The following BTBD9 variants were observed in gnomAD, a reference collection of about 807,000 sequenced individuals.
BTBD9 encodes BTB domain containing 9.
In BTBD9, 49 loss-of-function variants were observed where a neutral mutation model predicts 64.3. That is an observed-to-expected ratio of 0.76 (90% confidence interval 0.61 to 0.97). The LOEUF (loss-of-function observed/expected upper bound fraction) is 0.97. Ranked by LOEUF, BTBD9 falls within the 50% of genes least tolerant of loss-of-function variation. BTBD9 has a pLI of 0.00. For synonymous variants in BTBD9, 260 were observed against 274.7 expected (o/e 0.95, Z 0.53); for missense variants, 598 against 762.1 (o/e 0.78, Z 2.53).
intron 9 of BTBD9, among the ~76,000 whole-genome samples, chr6:38,244,649 TG>T (rs1764120400): frequency 6.6e-6 from 1 of 151,548 alleles, no homozygotes; most frequent in Non-Finnish European, 1.5e-5. Context: ...TCTCTAAGAG[TG>T]GTTAAAAATA....
chr6:38,521,611 G>A (rs1038104904), intron 6 of BTBD9, among the ~76,000 whole-genome samples: 1 of 152,160 alleles, frequency 6.6e-6, no homozygotes, highest in Admixed American at 6.5e-5. Flanking sequence ...TCAGATGTGG[G>A]AGGCTTACCT....
chr6:38,536,811 G>C (rs1460014756), intron 6 of BTBD9, among the ~76,000 whole-genome samples: 1 of 152,140 alleles, frequency 6.6e-6, no homozygotes, highest in Non-Finnish European at 1.5e-5. Flanking sequence ...ATGGTTACCA[G>C]AGGCTGAGAA....
chr6:38,217,759 T>C (rs1349837256), intron 9 of BTBD9, among the ~76,000 whole-genome samples: 1 of 151,820 alleles, frequency 6.6e-6, no homozygotes, highest in Non-Finnish European at 1.5e-5. Flanking sequence ...TGCCCTTCAC[T>C]GGCCGCATGG....
chr6:38,231,733 G>A (rs1409062303), intron 9 of BTBD9, among the ~76,000 whole-genome samples: 1 of 152,202 alleles, frequency 6.6e-6, no homozygotes, highest in Non-Finnish European at 1.5e-5. Flanking sequence ...ACCTGCACTG[G>A]CACCCAGCAG....
At chr6:38,179,240 G>T (rs1761431215) in intron 10 of BTBD9, 1 of 341,396 alleles carries the variant, frequency 2.9e-6, no homozygotes, top group Admixed American at 3.8e-5. Flanking sequence ...CAAATAACAA[G>T]TATTTTAAAA....
At chr6:38,538,083 A>G (rs1362152617) in intron 6 of BTBD9, among the ~76,000 whole-genome samples, 6 of 152,162 alleles carry the variant, frequency 3.9e-5, no homozygotes, top group African/African-American at 1.4e-4. Flanking sequence ...TTTAATCTGT[A>G]CCCTTACTAA....
rs912266959 is a variant in BTBD9, at chr6:38,626,310, A to G, written c.-28+13490T>C. Among the ~76,000 whole-genome samples the G allele has an allele frequency of 7.9e-5, 12 of 152,358 alleles. No homozygotes were observed. In the East Asian group the frequency reaches 2.3e-3, roughly 29 times the overall value. On this transcript the variant is annotated intron_variant, in intron 1 of 10. Coordinates refer to ENST00000481247, the MANE Select transcript of BTBD9 (RefSeq NM_001099272.2). ...GCATTTATCCTTTGTGTTACAAACA[A>G]TCCAATTATACTCTTTTTAGTTATT...
intron 7 of BTBD9, among the ~76,000 whole-genome samples, chr6:38,299,267 T>A (rs1422920100): frequency 1.3e-5 from 2 of 152,212 alleles, no homozygotes; most frequent in African/African-American, 4.8e-5. Flanking sequence ...TGTTGGACAT[T>A]TGGGTTGGTT....
chr6:38,566,002 G>A (rs1050611191), intron 6 of BTBD9: 74 of 152,120 alleles, frequency 4.9e-4, no homozygotes, highest in African/African-American at 1.4e-3. Flanking sequence ...GTTACAGATC[G>A]AAATCCTTAT....
In BTBD9 at chr6:38,351,651, G is replaced by A. The variant is rs758338362; in HGVS notation, c.1155-6558C>T. On this transcript the variant is annotated intron_variant, in intron 6 of 10. Coordinates refer to ENST00000481247, the MANE Select transcript of BTBD9 (RefSeq NM_001099272.2). Reference sequence around the variant, plus strand: ...CGAGTAGCTGGGACTACAGGCACCCGCTACCACGCCGGCTACTTTTTTGAT... The same window carrying A: ...CGAGTAGCTGGGACTACAGGCACCCACTACCACGCCGGCTACTTTTTTGAT... 4.0e-5 allele frequency among the ~76,000 whole-genome samples: 6 copies of A among 151,456 alleles called. No individual in the cohort carries two copies. The East Asian group carries it at 5.9e-4, about 15-fold the overall frequency.
chr6:38,620,817 G>A (rs1207176620), intron 1 of BTBD9, among the ~76,000 whole-genome samples: 2 of 152,134 alleles, frequency 1.3e-5, no homozygotes, highest in African/African-American at 4.8e-5. Flanking sequence ...CCTGGATACA[G>A]TGAGATGGCC....
At chr6:38,426,846 C>A (rs1562170073) in intron 6 of BTBD9, among the ~76,000 whole-genome samples, 1 of 151,764 alleles carries the variant, frequency 6.6e-6, no homozygotes, top group Non-Finnish European at 1.5e-5. Flanking sequence ...AGGCTTGCCA[C>A]CATCTCGGAA....
At chr6:38,237,985 T>C (rs895463702) in intron 9 of BTBD9, among the ~76,000 whole-genome samples, 1 of 151,904 alleles carries the variant, frequency 6.6e-6, no homozygotes, top group Non-Finnish European at 1.5e-5. Flanking sequence ...TTAAAAAAAA[T>C]AGAAAAATTA....
rs202184029 is a variant in BTBD9 at position 38,599,596 on chromosome 6, GAGAC to G, written c.-27-1479_-27-1476del. Among the ~76,000 whole-genome samples, 11 of 152,354 alleles carry G rather than the reference GAGAC, an allele frequency of 7.2e-5. No individual in the cohort carries two copies. In the East Asian group the frequency reaches 2.1e-3, roughly 29 times the overall value. On this transcript the variant is annotated intron_variant, in intron 1 of 10. Transcript: ENST00000481247. ...TGCTGCATCAGAGACTAGAGAAATTGAGACAGATATGTTATCTCTGCTAGACCTC... is the reference window on the plus strand; with the variant it reads ...TGCTGCATCAGAGACTAGAGAAATTGAGATATGTTATCTCTGCTAGACCTC...
At position 38,353,303 on chromosome 6, in the gene BTBD9, T is replaced by G. The variant is rs118165247; in HGVS notation, c.1155-8210A>C. ...CTTATTTCATGGTTTAGTTTTCTTT[T>G]TGTTCTTTCCATTTTTTTCAGATTG... is the stretch of plus-strand genomic sequence containing the variant. On this transcript the variant is annotated intron_variant, in intron 6 of 10. Coordinates refer to ENST00000481247, the MANE Select transcript of BTBD9 (RefSeq NM_001099272.2). Among the ~76,000 whole-genome samples, 56 of 152,332 alleles carry G rather than the reference T, an allele frequency of 3.7e-4. No homozygotes were observed. The East Asian group carries it at 0.01, about 27-fold the overall frequency.
intron 1 of BTBD9, among the ~76,000 whole-genome samples, chr6:38,626,383 G>A (rs1778169401): frequency 6.6e-6 from 1 of 152,092 alleles, no homozygotes; most frequent in Non-Finnish European, 1.5e-5. Context: ...ACCTTGTTCT[G>A]TTTTCAAATA....
intron 9 of BTBD9, among the ~76,000 whole-genome samples, chr6:38,198,663 C>T (rs10456461): frequency 0.22 from 32,854 of 152,134 alleles, 3,719 homozygotes; most frequent in Non-Finnish European, 0.25. Flanking sequence ...CTGTTGAACA[C>T]TGGGGAGACA....
At chr6:38,215,417 C>T (rs1007026018) in intron 9 of BTBD9, among the ~76,000 whole-genome samples, 13 of 152,234 alleles carry the variant, frequency 8.5e-5, no homozygotes, top group African/African-American at 2.4e-4. Context: ...TACCCACGCG[C>T]GAGTGAACAG....
At chr6:38,498,623 C>T (rs1333397839) in intron 6 of BTBD9, among the ~76,000 whole-genome samples, 1 of 152,066 alleles carries the variant, frequency 6.6e-6, no homozygotes, top group African/African-American at 2.4e-5. Flanking sequence ...AAAGGCTGGG[C>T]AACATAAGGG....
Sources: gnomAD v4.1 joint callset for allele counts (sites outside exome capture counted in the v4.1 genomes callset) on GRCh38, gnomAD v4.1.1 for gene constraint, MANE v1.5 for transcripts, NCBI Gene and HGNC (gene_info 2026-07-23, HGNC 2026-07-21) for gene names.